Variants in HELZ observed in about 807,000 individuals in gnomAD.
HELZ encodes helicase with zinc finger, also known as ATP-dependent RNA helicase with zinc finger domain.
HELZ carries 23 observed loss-of-function variants against 218.2 expected under a neutral mutation model. The observed-to-expected ratio is 0.11, with a 90% confidence interval of 0.08 to 0.15. HELZ has a LOEUF of 0.15. Ranked by LOEUF, HELZ falls within the 10% of genes least tolerant of loss-of-function variation. The probability of loss-of-function intolerance (pLI) is 1.00; values close to 1 mark genes in which losing one functional copy is unlikely to be tolerated. For missense variants in HELZ, 1,813 were observed against 2,353.7 expected (o/e 0.77, Z 4.75); for synonymous variants, 814 against 829.4 (o/e 0.98, Z 0.32).
intron 31 of HELZ, among the ~76,000 whole-genome samples, chr17:67,089,865 T>C (rs2143613405): frequency 6.6e-6 from 1 of 151,764 alleles, no homozygotes; most frequent in South Asian, 2.1e-4. Flanking sequence ...CATCTGTGAA[T>C]GGAGACAGCT....
intron 17 of HELZ, among the ~76,000 whole-genome samples, chr17:67,154,750 G>A (rs2038787810): frequency 6.6e-6 from 1 of 152,122 alleles, no homozygotes; most frequent in Admixed American, 6.5e-5. Context: ...GGTATTTGGT[G>A]AGGGGGAAAT....
chr17:67,134,110 G>A (rs779362530), intron 23 of HELZ, among the ~76,000 whole-genome samples: 14 of 152,114 alleles, frequency 9.2e-5, no homozygotes, highest in Non-Finnish European at 1.5e-4. Flanking sequence ...TCGACTAGGC[G>A]CGGTGGCTCA....
intron 12 of HELZ, among the ~76,000 whole-genome samples, chr17:67,180,970 T>TTGAA (rs2039594348): frequency 6.7e-6 from 1 of 148,786 alleles, no homozygotes; most frequent in East Asian, 2.0e-4. Context: ...GGAGAATCAC[T>TTGAA]TGAACCCAAG....
intron 5 of HELZ, among the ~76,000 whole-genome samples, chr17:67,209,704 C>T (rs1399373628): frequency 2.0e-5 from 3 of 151,780 alleles, no homozygotes; most frequent in South Asian, 2.1e-4. Context: ...TTCAAAACCA[C>T]ACTTCCACTC....
intron 28 of HELZ, among the ~76,000 whole-genome samples, chr17:67,110,572 CTGGTGTTGG>C (rs1259897777): frequency 6.6e-6 from 1 of 152,096 alleles, no homozygotes; most frequent in African/African-American, 2.4e-5. Flanking sequence ...TACACTGTGC[CTGGTGTTGG>C]AAATTAAACA....
chr17:67,075,580 T>C lies in HELZ; in HGVS notation c.*2672A>G, dbSNP rs1397932905. The C allele has an allele frequency of 6.6e-6, 1 of 152,182 alleles. No homozygotes were observed. Among genetic ancestry groups the C allele is most frequent in the Non-Finnish European group, 1.5e-5 (1 of 68,020 alleles). The allele number at this position is 152,182 out of a possible 1,614,324, so 9.4% of individuals were successfully genotyped here. A position where few individuals can be genotyped will look rare whatever the true frequency, so the allele number is the denominator to read the frequency against. The stretch of plus-strand genomic sequence containing the variant: ...GCTGTACTCAGAAGACACGCCTCAT[T>C]TTGATGGAAACTTGCAATGATTCTT... On this transcript the variant is annotated 3_prime_UTR_variant, in exon 33 of 33. Coordinates refer to ENST00000358691, the MANE Select transcript of HELZ (RefSeq NM_014877.4).
At chr17:67,153,775 CATG>C (rs756372588) in intron 17 of HELZ, among the ~76,000 whole-genome samples, 1 of 152,202 alleles carries the variant, frequency 6.6e-6, no homozygotes, top group Non-Finnish European at 1.5e-5. Context: ...AAGGTAGCAT[CATG>C]ATATGAATAT....
chr17:67,070,547 A>C lies in HELZ; in HGVS notation c.*7705T>G, dbSNP rs149597037. ...ACAAAAGAACTTCACTGAGACAATG[A>C]GCACACTGTAGGAACTGTAGACCCC... On this transcript the variant is annotated 3_prime_UTR_variant, in exon 33 of 33. Coordinates refer to ENST00000358691, the MANE Select transcript of HELZ (RefSeq NM_014877.4). 2 of 152,370 alleles carry C rather than the reference A, an allele frequency of 1.3e-5. No individual in the cohort carries two copies. Among genetic ancestry groups the C allele is most frequent in the South Asian group, 2.1e-4 (1 of 4,832 alleles). The allele number at this position is 152,370 out of a possible 1,614,324, so 9.4% of individuals were successfully genotyped here. A position where few individuals can be genotyped will look rare whatever the true frequency, so the allele number is the denominator to read the frequency against.
chr17:67,209,336 G>A (rs1417932060), intron 5 of HELZ, among the ~76,000 whole-genome samples: 2 of 152,052 alleles, frequency 1.3e-5, no homozygotes, highest in Admixed American at 6.6e-5. Flanking sequence ...GGTGGCTCAC[G>A]CCTGTAATCC....
At chr17:67,210,116 G>A (rs953301809) in intron 5 of HELZ, among the ~76,000 whole-genome samples, 3 of 152,116 alleles carry the variant, frequency 2.0e-5, no homozygotes, top group Admixed American at 1.3e-4. Context: ...CCCAGCTACT[G>A]GGGAGGCTGA....
chr17:67,099,002 C>T lies in HELZ; in HGVS notation c.5241+8167G>A, dbSNP rs150981783. On this transcript the variant is annotated intron_variant, in intron 31 of 32. Transcript: ENST00000358691. ...CCCCCAAACCAAAATTTTAGAAAAA[C>T]ATCTGTAGCCTACAAAAGAAAAATA... Among the ~76,000 whole-genome samples, 1,079 of 152,246 alleles carry T rather than the reference C, an allele frequency of 7.1e-3. 9 individuals carry two copies. Among genetic ancestry groups the T allele is most frequent in the African/African-American group, 0.025 (1,020 of 41,546 alleles).
rs540403107 is a variant in HELZ at position 67,074,144 on chromosome 17, G to C, written c.*4108C>G. On this transcript the variant is annotated 3_prime_UTR_variant, in exon 33 of 33. Transcript: ENST00000358691. ...ACCTTGAGATTCAGGAAGACATATA[G>C]CGCGGCAGTAGAAATTAAGGATTTT... is the stretch of plus-strand genomic sequence containing the variant. 1 of 152,130 alleles carries C rather than the reference G, an allele frequency of 6.6e-6. No homozygotes were observed. The highest frequency in any genetic ancestry group is 1.9e-4 in the East Asian group (1 of 5,176). The allele number at this position is 152,130 out of a possible 1,614,324, so 9.4% of individuals were successfully genotyped here.
intron 28 of HELZ, among the ~76,000 whole-genome samples, chr17:67,113,041 A>G (rs1331487379): frequency 6.6e-6 from 1 of 152,224 alleles, no homozygotes; most frequent in Non-Finnish European, 1.5e-5. Context: ...TAAAGAGCAA[A>G]TAAGAGGTGA....
At chr17:67,225,016 G>C (rs987220898) in intron 3 of HELZ, 4 of 683,234 alleles carry the variant, frequency 5.9e-6, no homozygotes, top group Non-Finnish European at 8.2e-6. Context: ...GGAGATAAGA[G>C]AAAGGGTCAA....
intron 1 of HELZ, chr17:67,244,779 G>A (rs1019160552): frequency 1.7e-5 from 17 of 985,286 alleles, no homozygotes; most frequent in Non-Finnish European, 1.9e-5. Context: ...GCGACCCGGA[G>A]GAGGGGAACG....
chr17:67,203,336 G>C lies in HELZ; in HGVS notation c.355C>G (p.Leu119Val). The C allele has an allele frequency of 6.2e-7, 1 of 1,614,086 alleles. No individual in the cohort carries two copies. The highest frequency in any genetic ancestry group is 8.5e-7 in the Non-Finnish European group (1 of 1,179,962). ...QPVSTILAKS[L>V]TGESLNGMVT... is the part of the protein sequence containing the mutation. ...CAACATACCAGGGACTCTCCTGTGAGTGACTTGGCAAGAATGGTGGATACA... is the reference window on the plus strand; with the variant it reads ...CAACATACCAGGGACTCTCCTGTGACTGACTTGGCAAGAATGGTGGATACA... Residue 119 changes from leucine to valine, a missense_variant, in exon 6 of 33, where the codon CTC becomes GTC. Leu to Val is a conservative substitution (Grantham distance 32). Transcript: ENST00000358691.
intron 13 of HELZ, among the ~76,000 whole-genome samples, chr17:67,170,364 A>C (rs2039271277): frequency 6.6e-6 from 1 of 152,094 alleles, no homozygotes; most frequent in Non-Finnish European, 1.5e-5. Flanking sequence ...AAAATACAAA[A>C]ATTAGCTGGG....
chr17:67,166,607 A>G lies in HELZ; in HGVS notation c.1766T>C (p.Val589Ala). 6.2e-7 allele frequency: 1 copy of G among 1,613,376 alleles called. No homozygotes were observed. Among genetic ancestry groups the G allele is most frequent in the African/African-American group, 1.3e-5 (1 of 75,018 alleles). The change falls in exon 15 of 33, where the codon GTT (valine) becomes GCT (alanine). Residue 589 changes from valine to alanine, a missense_variant and splice_region_variant. Val to Ala is a moderately conservative substitution (Grantham distance 64). This residue lies in a region of HELZ where 714 missense variants were observed against 1,029.2 expected (regional missense o/e 0.69). Coordinates refer to ENST00000358691, the MANE Select transcript of HELZ (RefSeq NM_014877.4). The stretch of plus-strand genomic sequence containing the variant: ...TCGATTTAATTGAAACTGAAGTTCA[A>G]CCTGAAAGACAAAATGAATGTTTTA... Reference protein sequence around the residue: ...LNLRPDCDTQVELQFQLNRLP... With the variant: ...LNLRPDCDTQAELQFQLNRLP...
chr17:67,109,075 G>A (rs2037196362), intron 29 of HELZ, 41 bp downstream of exon 29: 1 of 1,446,172 alleles, frequency 6.9e-7, no homozygotes, highest in Non-Finnish European at 9.5e-7. Flanking sequence ...GTCATGTTAA[G>A]TAATCTCTGA....
Sources: gnomAD v4.1 joint callset for allele counts (sites outside exome capture counted in the v4.1 genomes callset) on GRCh38, gnomAD v4.1.1 for gene constraint, gnomAD v4.1.1 regional missense constraint, MANE v1.5 for transcripts, NCBI Gene and HGNC (gene_info 2026-07-23, HGNC 2026-07-21) for gene names.